The following MAML2 variants were observed in gnomAD, a reference collection of about 807,000 sequenced individuals.
The protein encoded by MAML2 is mastermind-like protein 2.
A neutral mutation model predicts 96.1 loss-of-function variants in MAML2; 22 were observed. The ratio of observed to expected loss-of-function variants is 0.23; its 90% CI spans 0.16 to 0.33. MAML2 has a LOEUF of 0.33. MAML2 is among the 10% of genes least tolerant of loss of function. MAML2 has a pLI of 1.00. For synonymous variants in MAML2, 561 were observed against 521.3 expected (o/e 1.08, Z -1.04); for missense variants, 1,367 against 1,392.4 (o/e 0.98, Z 0.29).
chr11:96,201,780 G>A (rs892822981), intron 1 of MAML2, among the ~76,000 whole-genome samples: 8 of 151,362 alleles, frequency 5.3e-5, no homozygotes, highest in South Asian at 2.1e-4. Flanking sequence ...TTAGCCCAGC[G>A]TGGTGGCGGG....
intron 1 of MAML2, among the ~76,000 whole-genome samples, chr11:96,267,998 A>T (rs775663115): frequency 6.6e-6 from 1 of 152,224 alleles, no homozygotes; most frequent in Non-Finnish European, 1.5e-5. Flanking sequence ...TGATTTCATC[A>T]TGACTCTGGA....
chr11:96,334,128 C>G (rs1293687460), intron 1 of MAML2, among the ~76,000 whole-genome samples: 2 of 152,178 alleles, frequency 1.3e-5, no homozygotes, highest in African/African-American at 4.8e-5. Context: ...GTGATGTCTC[C>G]ATATTCAACT....
chr11:96,310,836 A>G (rs534435227), intron 1 of MAML2, among the ~76,000 whole-genome samples: 277 of 152,360 alleles, frequency 1.8e-3, no homozygotes, highest in African/African-American at 5.8e-3. Flanking sequence ...TATAAGCTAT[A>G]ATCTGCTATG....
At chr11:96,050,482 G>T (rs1409333764) in intron 2 of MAML2, among the ~76,000 whole-genome samples, 1 of 152,140 alleles carries the variant, frequency 6.6e-6, no homozygotes, top group Non-Finnish European at 1.5e-5. Flanking sequence ...CTATTTGGAT[G>T]GTGCAGGCAA....
intron 1 of MAML2, among the ~76,000 whole-genome samples, chr11:96,102,289 AAAC>A (rs1690720971): frequency 6.6e-6 from 1 of 151,964 alleles, no homozygotes; most frequent in East Asian, 1.9e-4. Flanking sequence ...ACAAAAACAA[AAAC>A]AACAACAACA....
intron 1 of MAML2, among the ~76,000 whole-genome samples, chr11:96,096,856 A>C: frequency 6.6e-6 from 1 of 152,192 alleles, no homozygotes; most frequent in Non-Finnish European, 1.5e-5. Context: ...GCACAGCTGG[A>C]GGGATTCCTT....
intron 1 of MAML2, among the ~76,000 whole-genome samples, chr11:96,269,262 C>T (rs1197354467): frequency 6.9e-6 from 1 of 144,404 alleles, no homozygotes; most frequent in African/African-American, 2.7e-5. Flanking sequence ...TCCAAAGTGT[C>T]TATGGTTCTG....
intron 1 of MAML2, among the ~76,000 whole-genome samples, chr11:96,193,763 T>C (rs369270554): frequency 6.6e-6 from 1 of 152,248 alleles, no homozygotes; most frequent in Admixed American, 6.5e-5. Flanking sequence ...AAGAAACACA[T>C]ATTTGACTTA....
chr11:96,223,533 C>T (rs1862170408), intron 1 of MAML2, among the ~76,000 whole-genome samples: 1 of 151,802 alleles, frequency 6.6e-6, no homozygotes, highest in South Asian at 2.1e-4. Flanking sequence ...TAGATCCAGC[C>T]AGGTATTTTC....
intron 1 of MAML2, among the ~76,000 whole-genome samples, chr11:96,106,917 A>C (rs1309091212): frequency 6.7e-6 from 1 of 150,040 alleles, no homozygotes; most frequent in African/African-American, 2.4e-5. Flanking sequence ...GCTTCCTTAC[A>C]CATGACCACT....
At position 95,991,505 on chromosome 11, in the gene MAML2, AAG is replaced by A. The variant is rs752064865; in HGVS notation, c.2343+13_2343+14del. ...TCAACAGGTTTGTTCAGTAGAAATT[AAG>A]AGAAAGTTTTACCGCGTCAGCCAGC... is the stretch of plus-strand genomic sequence containing the variant. On this transcript the variant is annotated intron_variant, in intron 3 of 4. Coordinates refer to ENST00000524717, the MANE Select transcript of MAML2 (RefSeq NM_032427.4). 1.2e-6 allele frequency: 2 copies of A among 1,612,394 alleles called. No individual in the cohort carries two copies. The highest frequency in any genetic ancestry group is 1.7e-6 in the Non-Finnish European group (2 of 1,178,536).
intron 1 of MAML2, among the ~76,000 whole-genome samples, chr11:96,317,995 T>C (rs1863653707): frequency 1.3e-5 from 2 of 152,352 alleles, no homozygotes; most frequent in South Asian, 4.1e-4. Flanking sequence ...TCAGTACATA[T>C]GCAAGTGGCA....
intron 1 of MAML2, among the ~76,000 whole-genome samples, chr11:96,191,643 G>A (rs1366331861): frequency 6.6e-6 from 1 of 151,390 alleles, no homozygotes; most frequent in Admixed American, 6.6e-5. Context: ...ATGGTGGCGG[G>A]CGCCGGTAGT....
chr11:96,294,039 C>A (rs1368927653), intron 1 of MAML2, among the ~76,000 whole-genome samples: 1 of 152,070 alleles, frequency 6.6e-6, no homozygotes, highest in Non-Finnish European at 1.5e-5. Flanking sequence ...TGGAGAGAGG[C>A]CAATGAATTT....
At chr11:96,136,771 T>C (rs1023277322) in intron 1 of MAML2, among the ~76,000 whole-genome samples, 1 of 152,234 alleles carries the variant, frequency 6.6e-6, no homozygotes, top group Non-Finnish European at 1.5e-5. Flanking sequence ...TTCCTGTAAA[T>C]AACTTTACAC....
chr11:96,011,833 T>G (rs953132928), intron 2 of MAML2, among the ~76,000 whole-genome samples: 1 of 152,196 alleles, frequency 6.6e-6, no homozygotes, highest in African/African-American at 2.4e-5. Context: ...TTCCCACCTC[T>G]CACATGAGTT....
intron 1 of MAML2, among the ~76,000 whole-genome samples, chr11:96,179,713 T>C (rs1861452704): frequency 6.6e-6 from 1 of 152,232 alleles, no homozygotes; most frequent in Non-Finnish European, 1.5e-5. Flanking sequence ...AGGAGGGACC[T>C]GGGAAGCCAC....
Position 95,978,572 on chromosome 11 carries a change from C to T in MAML2, c.*376G>A, listed in dbSNP as rs1857683154. Reference sequence around the variant, plus strand: ...AGGAGTTTGTTGCTTGGAACTAGTACCTCCTCATGACATGGGGTTTAAATA... The same window carrying T: ...AGGAGTTTGTTGCTTGGAACTAGTATCTCCTCATGACATGGGGTTTAAATA... On this transcript the variant is annotated 3_prime_UTR_variant, in exon 5 of 5. Transcript: ENST00000524717. 2 of 244,330 alleles carry T rather than the reference C, an allele frequency of 8.2e-6. 1 individual carries two copies. The highest frequency in any genetic ancestry group is 1.0e-4 in the Admixed American group (2 of 19,438). The allele number at this position is 244,330 out of a possible 1,614,324, so 15.1% of individuals were successfully genotyped here.
chr11:96,212,137 GTGTGTGTGTGTGT>G (rs1191027150), intron 1 of MAML2, among the ~76,000 whole-genome samples: 377 of 150,364 alleles, frequency 2.5e-3, no homozygotes, highest in Admixed American at 3.8e-3. Context: ...GTGTGTGTGT[GTGTGTGTGTGTGT>G]GGAAGGGGGA....
Sources: allele counts gnomAD v4.1 joint callset (sites outside exome capture counted in the v4.1 genomes callset), GRCh38; gene constraint gnomAD v4.1.1; transcripts MANE v1.5; gene names NCBI Gene and HGNC (gene_info 2026-07-23, HGNC 2026-07-21).